WDR7: variants seen among roughly 807,000 people sequenced by gnomAD.
WDR7 encodes the protein WD repeat domain 7.
WDR7 carries 46 observed loss-of-function variants against 169.4 expected under a neutral mutation model. The ratio of observed to expected loss-of-function variants is 0.27; its 90% CI spans 0.21 to 0.35. The LOEUF (loss-of-function observed/expected upper bound fraction) is 0.35. Ranked by LOEUF, WDR7 falls within the 10% of genes least tolerant of loss-of-function variation. The probability of loss-of-function intolerance (pLI) is 1.00; values close to 1 mark genes in which losing one functional copy is unlikely to be tolerated. For missense variants in WDR7, 1,534 were observed against 1,859.3 expected (o/e 0.83, Z 3.22); for synonymous variants, 612 against 666.8 (o/e 0.92, Z 1.27).
At chr18:56,798,542 T>C (rs1408320561) in intron 19 of WDR7, among the ~76,000 whole-genome samples, 1 of 152,212 alleles carries the variant, frequency 6.6e-6, no homozygotes, top group South Asian at 2.1e-4. Context: ...TAAGATATCC[T>C]GGGCTAGAAT....
chr18:56,784,435 C>G (rs2044363947), intron 19 of WDR7, among the ~76,000 whole-genome samples: 1 of 152,092 alleles, frequency 6.6e-6, no homozygotes, highest in South Asian at 2.1e-4. Flanking sequence ...CTTCCTCCAC[C>G]CTTCCCCTTC....
chr18:56,674,086 A>G (rs1426922157), intron 2 of WDR7, among the ~76,000 whole-genome samples: 2 of 152,222 alleles, frequency 1.3e-5, no homozygotes, highest in African/African-American at 2.4e-5. Context: ...TGAGTATTAC[A>G]CATTTGTGTA....
At chr18:56,932,293 A>G (rs1163957518) in intron 22 of WDR7, among the ~76,000 whole-genome samples, 1 of 152,214 alleles carries the variant, frequency 6.6e-6, no homozygotes, top group African/African-American at 2.4e-5. Flanking sequence ...GCCTCTTCAA[A>G]AGTGCTGGCT....
chr18:56,728,615 C>T (rs994378850), intron 13 of WDR7, among the ~76,000 whole-genome samples: 1 of 152,164 alleles, frequency 6.6e-6, no homozygotes, highest in Non-Finnish European at 1.5e-5. Context: ...ATGCCCTCTT[C>T]TCTCTTTGGG....
At chr18:56,856,310 G>T (rs1024558128) in intron 20 of WDR7, among the ~76,000 whole-genome samples, 1 of 152,174 alleles carries the variant, frequency 6.6e-6, no homozygotes, top group African/African-American at 2.4e-5. Flanking sequence ...AAGGCAGGTG[G>T]ATCACTTGAG....
At chr18:56,837,180 G>A (rs1233257043) in intron 20 of WDR7, among the ~76,000 whole-genome samples, 1 of 152,140 alleles carries the variant, frequency 6.6e-6, no homozygotes, top group African/African-American at 2.4e-5. Flanking sequence ...CTCTTTCGAC[G>A]GTGAGAAAGG....
At position 56,686,048 on chromosome 18, in the gene WDR7, C is replaced by A. The variant is rs940689767; in HGVS notation, c.597+16C>A. The A allele has an allele frequency of 1.9e-6, 3 of 1,578,536 alleles. No individual in the cohort carries two copies. Among genetic ancestry groups the A allele is most frequent in the African/African-American group, 2.8e-5 (2 of 72,100 alleles). ...TGACATGCAGGTGAGAAAAAGGAAA[C>A]TGGGGTGATTTCTCTGTTTTTATTC... On this transcript the variant is annotated intron_variant, in intron 6 of 27. Transcript: ENST00000254442.
At chr18:56,956,055 G>T (rs1483712847) in intron 25 of WDR7, among the ~76,000 whole-genome samples, 2 of 152,096 alleles carry the variant, frequency 1.3e-5, no homozygotes, top group Non-Finnish European at 2.9e-5. Context: ...TTTTCAGAGG[G>T]AAATGAACTA....
chr18:56,946,731 A>G (rs887974858), intron 25 of WDR7, among the ~76,000 whole-genome samples: 5 of 152,150 alleles, frequency 3.3e-5, no homozygotes, highest in African/African-American at 9.7e-5. Context: ...GTGTGTGTGT[A>G]TATGAAATAC....
chr18:56,736,776 T>G (rs1299939573), intron 14 of WDR7, among the ~76,000 whole-genome samples: 1 of 151,656 alleles, frequency 6.6e-6, no homozygotes, highest in South Asian at 2.1e-4. Flanking sequence ...GTGGAAGAAA[T>G]TAGCTTTTGA....
chr18:56,687,080 A>G (rs2025458451), intron 7 of WDR7, 106 bp downstream of exon 7: 1 of 1,057,932 alleles, frequency 9.5e-7, no homozygotes, highest in Non-Finnish European at 1.3e-6. Context: ...GACTATTTTC[A>G]TCATTTAGAA....
At chr18:56,846,078 A>T (rs78646629) in intron 20 of WDR7, among the ~76,000 whole-genome samples, 2,220 of 152,310 alleles carry the variant, frequency 0.015, 50 homozygotes, top group African/African-American at 0.049. Flanking sequence ...ATAGACATGA[A>T]ATCATTGATA....
At chr18:56,711,086 A>G (rs1225355076) in intron 12 of WDR7, among the ~76,000 whole-genome samples, 1 of 148,826 alleles carries the variant, frequency 6.7e-6, no homozygotes, top group Non-Finnish European at 1.5e-5. Flanking sequence ...AAGGGTTATT[A>G]GTGTTTGAGC....
chr18:56,710,003 G>GTTTTTTTTTTTTTTTTTTTT lies in WDR7; in HGVS notation c.1579-7959_1579-7958insTTTTTTTTTTTTTTTTTTTT, dbSNP rs74182155. On this transcript the variant is annotated intron_variant, in intron 12 of 27. Coordinates refer to ENST00000254442, the MANE Select transcript of WDR7 (RefSeq NM_015285.3). ...GAACCACAATTTATATATATATATA[G>GTTTTTTTTTTTTTTTTTTTT]TTGTTTTTTTTTTTTTTTGTGATGG... is the stretch of plus-strand genomic sequence containing the variant. Among the ~76,000 whole-genome samples the GTTTTTTTTTTTTTTTTTTTT allele has an allele frequency of 2.3e-5, 3 of 128,678 alleles. 1 individual carries two copies. The highest frequency in any genetic ancestry group is 3.2e-5 in the Non-Finnish European group (2 of 61,824). The allele number at this position is 128,678 out of a possible 152,430, so 84.4% of individuals were successfully genotyped here.
At chr18:56,887,850 C>G (rs2046216770) in intron 21 of WDR7, among the ~76,000 whole-genome samples, 1 of 152,102 alleles carries the variant, frequency 6.6e-6, no homozygotes, top group Admixed American at 6.6e-5. Context: ...TACGTGTACT[C>G]TTTTTGATCA....
intron 13 of WDR7, among the ~76,000 whole-genome samples, chr18:56,726,652 C>A (rs1248646573): frequency 6.6e-6 from 1 of 152,026 alleles, no homozygotes; most frequent in Non-Finnish European, 1.5e-5. Flanking sequence ...ATTTCTTTCT[C>A]CTGCTTGATG....
intron 25 of WDR7, among the ~76,000 whole-genome samples, chr18:56,958,070 G>A (rs551756936): frequency 1.3e-5 from 2 of 152,256 alleles, no homozygotes; most frequent in Non-Finnish European, 2.9e-5. Flanking sequence ...CAATCCAAGG[G>A]AAAGTATAAA....
chr18:56,772,898 A>G (rs939018283), intron 16 of WDR7, among the ~76,000 whole-genome samples: 1 of 152,134 alleles, frequency 6.6e-6, no homozygotes, highest in African/African-American at 2.4e-5. Flanking sequence ...ATTTAATGAT[A>G]TAGAAGTAAA....
At chr18:56,959,288 G>A (rs1377804552) in intron 25 of WDR7, among the ~76,000 whole-genome samples, 1 of 152,164 alleles carries the variant, frequency 6.6e-6, no homozygotes, top group Non-Finnish European at 1.5e-5. Flanking sequence ...GTGAACAGAA[G>A]GGAGGTGATT....
Sources: gnomAD v4.1 joint callset for allele counts (sites outside exome capture counted in the v4.1 genomes callset) on GRCh38, gnomAD v4.1.1 for gene constraint, MANE v1.5 for transcripts, NCBI Gene and HGNC (gene_info 2026-07-23, HGNC 2026-07-21) for gene names.